Variants in PDE5A observed in about 807,000 individuals in gnomAD.
PDE5A encodes the protein cGMP-specific 3',5'-cyclic phosphodiesterase.
A neutral mutation model predicts 110.2 loss-of-function variants in PDE5A; 67 were observed. The observed-to-expected ratio is 0.61, with a 90% CI of 0.50 to 0.75. PDE5A has a LOEUF of 0.75. Ranked by LOEUF, PDE5A falls within the 30% of genes least tolerant of loss-of-function variation. The probability of loss-of-function intolerance (pLI) is 0.00; values close to 1 mark genes in which losing one functional copy is unlikely to be tolerated. For missense variants in PDE5A, 862 were observed against 1,045.1 expected (o/e 0.82, Z 2.42); for synonymous variants, 328 against 351.2 (o/e 0.93, Z 0.74).
chr4:119,587,900 G>A (rs112706654), intron 3 of PDE5A, among the ~76,000 whole-genome samples: 4,344 of 152,258 alleles, frequency 0.029, 86 homozygotes, highest in South Asian at 0.07. Context: ...TACTGTGAGT[G>A]TGAGAGATCA....
chr4:119,502,098 ATC>A (rs1448064752), intron 19 of PDE5A, among the ~76,000 whole-genome samples: 1 of 152,102 alleles, frequency 6.6e-6, no homozygotes, highest in Non-Finnish European at 1.5e-5. Flanking sequence ...TTCTTTTGGT[ATC>A]TCTCCTTCCT....
At chr4:119,604,133 C>G (rs1729442902) in intron 2 of PDE5A, among the ~76,000 whole-genome samples, 1 of 152,010 alleles carries the variant, frequency 6.6e-6, no homozygotes, top group Non-Finnish European at 1.5e-5. Context: ...TCAAGGGTAC[C>G]AAATGTGAAG....
At chr4:119,622,921 A>C (rs1730209750) in intron 1 of PDE5A, among the ~76,000 whole-genome samples, 1 of 151,188 alleles carries the variant, frequency 6.6e-6, no homozygotes, top group South Asian at 2.1e-4. Context: ...TAGAATTTTT[A>C]TCAAAATGAT....
chr4:119,628,486 T>C, intron 1 of PDE5A, 34 bp downstream of exon 1: 2 of 1,509,366 alleles, frequency 1.3e-6, no homozygotes, highest in East Asian at 4.6e-5. Context: ...GGGAGAGAAA[T>C]CAGCCCCGGG....
chr4:119,623,830 G>C (rs1730247094), intron 1 of PDE5A, among the ~76,000 whole-genome samples: 1 of 152,172 alleles, frequency 6.6e-6, no homozygotes, highest in Admixed American at 6.5e-5. Flanking sequence ...ATTTAAGTTT[G>C]TGTTATACTA....
At chr4:119,593,108 C>G (rs1729037450) in intron 3 of PDE5A, among the ~76,000 whole-genome samples, 1 of 152,192 alleles carries the variant, frequency 6.6e-6, no homozygotes, top group Non-Finnish European at 1.5e-5. Context: ...GTAAGGGGAA[C>G]TCTCATACAC....
chr4:119,533,792 T>C (rs989099952), intron 11 of PDE5A, among the ~76,000 whole-genome samples: 2 of 152,190 alleles, frequency 1.3e-5, no homozygotes, highest in African/African-American at 4.8e-5. Context: ...TCTGATATAA[T>C]ATGCATACAT....
chr4:119,597,790 T>G (rs1341770863), intron 2 of PDE5A, among the ~76,000 whole-genome samples: 1 of 152,094 alleles, frequency 6.6e-6, no homozygotes, highest in Non-Finnish European at 1.5e-5. Context: ...CTAGATTCCA[T>G]CAATTGGGGT....
chr4:119,517,591 T>C (rs1261113417), intron 14 of PDE5A, among the ~76,000 whole-genome samples: 2 of 141,998 alleles, frequency 1.4e-5, no homozygotes, highest in Admixed American at 7.2e-5. Context: ...GGATGTTTTC[T>C]TTTTCTTTTT....
intron 2 of PDE5A, among the ~76,000 whole-genome samples, chr4:119,605,583 G>C (rs1049805888): frequency 1.4e-4 from 22 of 151,940 alleles, no homozygotes; most frequent in African/African-American, 5.1e-4. Flanking sequence ...GGAGGCAAAG[G>C]TTGCAGTGAG....
intron 6 of PDE5A, among the ~76,000 whole-genome samples, chr4:119,562,579 TGGTAACTATTTTCA>T (rs1727780294): frequency 6.6e-6 from 1 of 152,014 alleles, no homozygotes; most frequent in Admixed American, 6.6e-5. Context: ...GACATTCCCA[TGGTAACTATTTTCA>T]GGAGGTTGGG....
chr4:119,550,984 T>A (rs1387668091), intron 9 of PDE5A, among the ~76,000 whole-genome samples: 2 of 152,136 alleles, frequency 1.3e-5, no homozygotes, highest in African/African-American at 4.8e-5. Context: ...TAGCCTCCAC[T>A]TTTTTCTCTG....
chr4:119,581,435 G>A (rs575183553), intron 3 of PDE5A, among the ~76,000 whole-genome samples: 1 of 152,260 alleles, frequency 6.6e-6, no homozygotes, highest in East Asian at 1.9e-4. Flanking sequence ...ACATGTGTGT[G>A]TGCGTGTATA....
At chr4:119,499,233 A>T (rs914898951) in intron 20 of PDE5A, among the ~76,000 whole-genome samples, 3 of 152,174 alleles carry the variant, frequency 2.0e-5, no homozygotes, top group Non-Finnish European at 4.4e-5. Flanking sequence ...AGCCACCAGA[A>T]TGTTCATTTC....
intron 11 of PDE5A, among the ~76,000 whole-genome samples, chr4:119,531,335 G>A (rs1726532981): frequency 6.6e-6 from 1 of 152,074 alleles, no homozygotes; most frequent in Admixed American, 6.5e-5. Flanking sequence ...CTGGAGTGCA[G>A]TGGCACAATC....
At chr4:119,592,150 C>CAAAAAAA (rs70944895) in intron 3 of PDE5A, among the ~76,000 whole-genome samples, 1 of 15,752 alleles carries the variant, frequency 6.3e-5, no homozygotes, top group Non-Finnish European at 1.1e-4. Context: ...GACTCTGTCT[C>CAAAAAAA]AAAAAAAAAA....
At chr4:119,531,810 T>A (rs530873967) in intron 11 of PDE5A, among the ~76,000 whole-genome samples, 1 of 152,214 alleles carries the variant, frequency 6.6e-6, no homozygotes, top group South Asian at 2.1e-4. Flanking sequence ...ATTATCCTAA[T>A]TTTGCAGAGA....
intron 1 of PDE5A, among the ~76,000 whole-genome samples, chr4:119,621,798 C>T (rs1730155200): frequency 6.6e-6 from 1 of 152,186 alleles, no homozygotes; most frequent in Non-Finnish European, 1.5e-5. Flanking sequence ...GTTTCTGTCA[C>T]TTGCAACCAA....
chr4:119,595,887 C>T (rs1729135348), intron 3 of PDE5A, among the ~76,000 whole-genome samples: 1 of 152,098 alleles, frequency 6.6e-6, no homozygotes, highest in Non-Finnish European at 1.5e-5. Context: ...TTAGACTTCT[C>T]CAGTTGGTTG....
Sources: gnomAD v4.1 joint callset for allele counts (sites outside exome capture counted in the v4.1 genomes callset) on GRCh38, gnomAD v4.1.1 for gene constraint, MANE v1.5 for transcripts, NCBI Gene and HGNC (gene_info 2026-07-23, HGNC 2026-07-21) for gene names.